The following GLIS3 variants were observed in gnomAD, a reference collection of about 807,000 sequenced individuals.
GLIS3 encodes GLIS family zinc finger 3, also known as zinc finger protein GLIS3.
GLIS3 carries 53 observed loss-of-function variants against 78.6 expected under a neutral mutation model. The observed-to-expected ratio is 0.67, with a 90% CI of 0.54 to 0.85. The LOEUF (loss-of-function observed/expected upper bound fraction) is 0.85. GLIS3 is among the 40% of genes least tolerant of loss of function. GLIS3 has a pLI of 0.00. For synonymous variants in GLIS3, 684 were observed against 509.9 expected (o/e 1.34, Z -4.60); for missense variants, 1,703 against 1,231.1 (o/e 1.38, Z -5.74).
At chr9:4,256,642 A>G (rs531917769) in intron 2 of GLIS3, among the ~76,000 whole-genome samples, 4 of 152,356 alleles carry the variant, frequency 2.6e-5, no homozygotes, top group African/African-American at 7.2e-5. Context: ...AGGTAGTAAA[A>G]GGTCTACGTA....
rs373649614 is a variant in GLIS3 at position 4,311,751 on chromosome 9, G to A, written n.265-1223C>T. On this transcript the variant is annotated intron_variant and non_coding_transcript_variant, in intron 2 of 4. Coordinates refer to the GLIS3 transcript ENST00000471664. ...ACACTGTCTTGTCCTGGGAGTTTGA[G>A]TTGTATGTTTAAAGACTGTCAGCAG... 1.6e-4 allele frequency among the ~76,000 whole-genome samples: 24 copies of A among 152,338 alleles called. No homozygotes were observed. In the East Asian group the frequency reaches 4.4e-3, roughly 28 times the overall value.
intron 2 of GLIS3, among the ~76,000 whole-genome samples, chr9:4,265,936 G>GTTGT (rs56341848): frequency 6.7e-6 from 1 of 149,032 alleles, no homozygotes; most frequent in African/African-American, 2.5e-5. Context: ...TTGTTTGTTT[G>GTTGT]GAGACGGAGT....
intron 2 of GLIS3, among the ~76,000 whole-genome samples, chr9:4,213,111 G>A (rs999413934): frequency 2.0e-5 from 3 of 152,104 alleles, no homozygotes; most frequent in Non-Finnish European, 4.4e-5. Flanking sequence ...CCCCTCCTTA[G>A]GCCTTGGTAT....
chr9:3,966,744 C>A (rs141345054), intron 4 of GLIS3, among the ~76,000 whole-genome samples: 3 of 150,728 alleles, frequency 2.0e-5, no homozygotes, highest in Non-Finnish European at 3.0e-5. Flanking sequence ...GCTGAGATCG[C>A]GCCACTGCAC....
chr9:4,085,350 G>C (rs1395249995), intron 4 of GLIS3, among the ~76,000 whole-genome samples: 1 of 151,620 alleles, frequency 6.6e-6, no homozygotes, highest in Admixed American at 6.6e-5. Flanking sequence ...GCATTTTGAA[G>C]ATGCTTTGTT....
At chr9:4,158,146 T>C (rs1330300992) in intron 2 of GLIS3, among the ~76,000 whole-genome samples, 1 of 152,218 alleles carries the variant, frequency 6.6e-6, no homozygotes, top group Non-Finnish European at 1.5e-5. Context: ...TCCAAAACGA[T>C]GCCTCTTTTA....
intron 4 of GLIS3, among the ~76,000 whole-genome samples, chr9:4,055,940 A>T (rs552977893): frequency 6.6e-6 from 1 of 152,324 alleles, no homozygotes; most frequent in South Asian, 2.1e-4. Flanking sequence ...CTATATTCTG[A>T]AAAGGGTAAG....
At chr9:4,124,281 T>C (rs374056832) in intron 3 of GLIS3, among the ~76,000 whole-genome samples, 5 of 152,320 alleles carry the variant, frequency 3.3e-5, no homozygotes, top group Admixed American at 3.3e-4. Context: ...CTTTTAAGGT[T>C]ATAAAATTAT....
chr9:4,008,750 A>G (rs1451142882), intron 4 of GLIS3, among the ~76,000 whole-genome samples: 1 of 152,210 alleles, frequency 6.6e-6, no homozygotes, highest in Non-Finnish European at 1.5e-5. Context: ...CCTGGTCTAA[A>G]TGCCACCAAT....
In GLIS3 at chr9:3,828,158, C is replaced by CA; in HGVS notation, c.*113dup. ...TTCTGAAAGAACATCAGTAACTCTGCAGGGCCCGCTGATTGGGCTGACATC... is the reference window on the plus strand; with the variant it reads ...TTCTGAAAGAACATCAGTAACTCTGCAAGGGCCCGCTGATTGGGCTGACATC... On this transcript the variant is annotated 3_prime_UTR_variant, in exon 11 of 11. Coordinates refer to ENST00000381971, the MANE Select transcript of GLIS3 (RefSeq NM_001042413.2). 1 of 1,231,860 alleles carries CA rather than the reference C, an allele frequency of 8.1e-7. No homozygotes were observed. The highest frequency in any genetic ancestry group is 1.2e-6 in the Non-Finnish European group (1 of 845,020). 76.3% of individuals were successfully genotyped at this position (1,231,860 alleles called of 1,614,324 possible).
At chr9:4,075,845 T>A (rs2130665109) in intron 4 of GLIS3, among the ~76,000 whole-genome samples, 1 of 152,134 alleles carries the variant, frequency 6.6e-6, no homozygotes, top group East Asian at 1.9e-4. Flanking sequence ...GGAAAAGAAG[T>A]GAGAAACAAA....
the GLIS3 span, among the ~76,000 whole-genome samples, chr9:4,468,377 G>C: frequency 2.0e-5 from 3 of 152,200 alleles, no homozygotes; most frequent in Non-Finnish European, 2.9e-5. Flanking sequence ...GTTAAGGGCA[G>C]CCAGAGAGTA....
rs77751937 is a variant in GLIS3, at chr9:3,845,795, T to C, written c.2473+10214A>G. On this transcript the variant is annotated intron_variant, in intron 9 of 10. Transcript: ENST00000381971. The stretch of plus-strand genomic sequence containing the variant: ...GGTAATCCCATTGGGAGCCGTTAGA[T>C]AGAGAGCTCTCCCCTCCCCATGGGG... Among the ~76,000 whole-genome samples the C allele has an allele frequency of 9.3e-4, 142 of 152,198 alleles. 4 individuals carry two copies. In the East Asian group the frequency reaches 0.026, roughly 28 times the overall value.
At position 3,859,923 on chromosome 9, in the gene GLIS3, A is replaced by G. The variant is rs146789903; in HGVS notation, c.2298-3739T>C. ...GAGTTTGTATAACCCTACCATGAGC[A>G]ATGGCATGCAAAAGAAAAAAAGAAA... On this transcript the variant is annotated intron_variant, in intron 8 of 10. Transcript: ENST00000381971. Among the ~76,000 whole-genome samples, 219 of 152,304 alleles carry G rather than the reference A, an allele frequency of 1.4e-3. 4 individuals carry two copies. The highest frequency in any genetic ancestry group is 5.0e-3 in the African/African-American group (209 of 41,574).
chr9:3,977,969 C>G lies in GLIS3; in HGVS notation c.1711-40780G>C. 6.6e-6 allele frequency among the ~76,000 whole-genome samples: 1 copy of G among 152,220 alleles called. No homozygotes were observed. On this transcript the variant is annotated intron_variant, in intron 4 of 10. Coordinates refer to ENST00000381971, the MANE Select transcript of GLIS3 (RefSeq NM_001042413.2). The surrounding 1 kb of genome is among the most constrained non-coding windows in gnomAD (Gnocchi z 4.1). ...GACAGCGAAAGGCCAGTTGACACCG[C>G]TGGGTGCACCCTCCGCTGCTCCAAA...
chr9:3,964,799 C>T (rs540055), intron 4 of GLIS3, among the ~76,000 whole-genome samples: 68,562 of 151,910 alleles, frequency 0.45, 15,737 homozygotes, highest in Non-Finnish European at 0.46. Flanking sequence ...AGTAGTAGGA[C>T]ATGAGTGTGA....
At chr9:4,242,219 G>A (rs781538158) in intron 2 of GLIS3, among the ~76,000 whole-genome samples, 1 of 151,888 alleles carries the variant, frequency 6.6e-6, no homozygotes, top group Non-Finnish European at 1.5e-5. Flanking sequence ...TTGGATAAAC[G>A]CTACCATTTA....
chr9:4,089,980 G>A (rs1026020331), intron 4 of GLIS3, among the ~76,000 whole-genome samples: 2 of 152,216 alleles, frequency 1.3e-5, no homozygotes, highest in Non-Finnish European at 2.9e-5. Context: ...CCACGGCAGA[G>A]GGGTGCAATG....
chr9:4,254,139 T>C (rs1824681478), intron 2 of GLIS3, among the ~76,000 whole-genome samples: 1 of 152,214 alleles, frequency 6.6e-6, no homozygotes, highest in Admixed American at 6.5e-5. Flanking sequence ...TCAACAAACA[T>C]TTATTTAATA....
Sources: allele counts gnomAD v4.1 joint callset (sites outside exome capture counted in the v4.1 genomes callset), GRCh38; gene constraint gnomAD v4.1.1; non-coding constraint Gnocchi (gnomAD v3.1); transcripts MANE v1.5; gene names NCBI Gene and HGNC (gene_info 2026-07-23, HGNC 2026-07-21).